The following MACROD2 variants were observed in gnomAD, a reference collection of about 807,000 sequenced individuals.
MACROD2 encodes ADP-ribose glycohydrolase MACROD2.
A neutral mutation model predicts 70.4 loss-of-function variants in MACROD2; 36 were observed. That is an observed-to-expected ratio of 0.51 (90% CI 0.39 to 0.68). The LOEUF (loss-of-function observed/expected upper bound fraction) is 0.68, where lower values mean the gene tolerates loss of function less well. MACROD2 is among the 30% of genes least tolerant of loss of function. The probability of loss-of-function intolerance (pLI) is 0.00; values close to 1 mark genes in which losing one functional copy is unlikely to be tolerated. For missense variants in MACROD2, 496 were observed against 538.4 expected (o/e 0.92, Z 0.78); for synonymous variants, 172 against 178.8 (o/e 0.96, Z 0.30).
At chr20:14,178,943 T>C (rs141998608) in intron 3 of MACROD2, among the ~76,000 whole-genome samples, 1 of 152,242 alleles carries the variant, frequency 6.6e-6, no homozygotes, top group African/African-American at 2.4e-5. Context: ...ATTCCTAATG[T>C]CTAGGCTCAG....
chr20:15,227,431 C>G (rs2076916735), intron 5 of MACROD2, among the ~76,000 whole-genome samples: 1 of 151,518 alleles, frequency 6.6e-6, no homozygotes, highest in Non-Finnish European at 1.5e-5. Context: ...CTTTACTTTG[C>G]TCAATGTTTT....
intron 2 of MACROD2, among the ~76,000 whole-genome samples, chr20:14,015,339 C>T (rs922250390): frequency 3.9e-5 from 6 of 152,162 alleles, no homozygotes; most frequent in African/African-American, 1.4e-4. Context: ...CCCAGCTACT[C>T]AGGAGGCTGA....
At position 14,233,876 on chromosome 20, in the gene MACROD2, A is replaced by T. The variant is rs145917143; in HGVS notation, c.271+148148A>T. Among the ~76,000 whole-genome samples, 4 of 152,186 alleles carry T rather than the reference A, an allele frequency of 2.6e-5. No individual in the cohort carries two copies. The South Asian group carries it at 8.3e-4, about 32-fold the overall frequency. On this transcript the variant is annotated intron_variant, in intron 3 of 17. Transcript: ENST00000684519. ...AAAGGCAAAACTATAGAGACAATAA[A>T]AAGATCAGTGGTTGATAGGAGTTGA...
chr20:14,028,221 A>G (rs1336610837), intron 2 of MACROD2, among the ~76,000 whole-genome samples: 4 of 152,180 alleles, frequency 2.6e-5, no homozygotes, highest in Non-Finnish European at 5.9e-5. Flanking sequence ...GTAAGGGGAA[A>G]GCTGCCTCCT....
At chr20:15,631,875 C>G (rs1041105422) in intron 8 of MACROD2, among the ~76,000 whole-genome samples, 1 of 152,122 alleles carries the variant, frequency 6.6e-6, no homozygotes, top group African/African-American at 2.4e-5. Context: ...TGGTGGCTCA[C>G]GCCTGTAATC....
At chr20:16,032,714 A>G (rs2067168450) in intron 15 of MACROD2, among the ~76,000 whole-genome samples, 1 of 142,584 alleles carries the variant, frequency 7.0e-6, no homozygotes, top group African/African-American at 2.6e-5. Flanking sequence ...TACAGGAAGA[A>G]AGGTGGAGGA....
intron 9 of MACROD2, among the ~76,000 whole-genome samples, chr20:15,880,781 G>A (rs2064743575): frequency 6.6e-6 from 1 of 152,026 alleles, no homozygotes; most frequent in Non-Finnish European, 1.5e-5. Flanking sequence ...AGGAGCTGGT[G>A]GCTCAAAGGC....
intron 7 of MACROD2, among the ~76,000 whole-genome samples, chr20:15,467,952 G>A (rs558500783): frequency 1.3e-5 from 2 of 152,280 alleles, no homozygotes; most frequent in Non-Finnish European, 2.9e-5. Context: ...TCTAGAAAGG[G>A]CAATCTGATT....
chr20:14,397,316 A>G (rs1243267714), intron 3 of MACROD2, among the ~76,000 whole-genome samples: 3 of 152,166 alleles, frequency 2.0e-5, no homozygotes, highest in African/African-American at 4.8e-5. Flanking sequence ...TAACATAAAT[A>G]TTGATATTGC....
chr20:15,031,548 C>A (rs1454088499), intron 5 of MACROD2, among the ~76,000 whole-genome samples: 1 of 152,076 alleles, frequency 6.6e-6, no homozygotes, highest in African/African-American at 2.4e-5. Context: ...TCCTGATAAG[C>A]GGCTAGCGTT....
At chr20:15,936,810 A>C (rs1194107709) in intron 11 of MACROD2, among the ~76,000 whole-genome samples, 1 of 152,116 alleles carries the variant, frequency 6.6e-6, no homozygotes, top group Non-Finnish European at 1.5e-5. Flanking sequence ...GCCAAACATG[A>C]CTAGAGTCAC....
intron 15 of MACROD2, among the ~76,000 whole-genome samples, chr20:15,989,302 A>G (rs942491126): frequency 1.3e-5 from 2 of 152,170 alleles, no homozygotes; most frequent in African/African-American, 4.8e-5. Context: ...AACTGGTTCT[A>G]TCCATTTGGT....
In MACROD2 at chr20:16,028,111, G is replaced by A. The variant is rs1052327540; in HGVS notation, c.1154-13090G>A. 4.6e-5 allele frequency among the ~76,000 whole-genome samples: 7 copies of A among 152,316 alleles called. No homozygotes were observed. The South Asian group carries it at 1.2e-3, about 27-fold the overall frequency. On this transcript the variant is annotated intron_variant, in intron 15 of 17. Coordinates refer to ENST00000684519, the MANE Select transcript of MACROD2 (RefSeq NM_001351661.2). ...TTGGGACCACTATACAGAGAAGCTG[G>A]AACTCCTTTGAAACTGACTCATCCA...
intron 4 of MACROD2, among the ~76,000 whole-genome samples, chr20:14,580,700 G>A (rs1451380648): frequency 1.3e-5 from 2 of 152,176 alleles, no homozygotes; most frequent in Non-Finnish European, 2.9e-5. Context: ...CTAGGAAGTC[G>A]TGACCTTAGG....
rs987756938 is a variant in MACROD2, at chr20:15,885,691, A to G, written c.728-73A>G. 8.6e-5 allele frequency: 113 copies of G among 1,314,122 alleles called. No homozygotes were observed. In the African/African-American group the frequency reaches 1.5e-3, roughly 17 times the overall value. 81.4% of individuals were successfully genotyped at this position (1,314,122 alleles called of 1,614,324 possible). A position where few individuals can be genotyped will look rare whatever the true frequency, so the allele number is the denominator to read the frequency against. On this transcript the variant is annotated intron_variant, in intron 9 of 17. Coordinates refer to ENST00000684519, the MANE Select transcript of MACROD2 (RefSeq NM_001351661.2). The stretch of plus-strand genomic sequence containing the variant: ...ATCCCTTTCTTTGATTTTTTTTAAT[A>G]ATCCATCTGGAACATTCTTGTGTTT...
chr20:14,162,126 C>G (rs964587626), intron 3 of MACROD2, among the ~76,000 whole-genome samples: 1 of 152,014 alleles, frequency 6.6e-6, no homozygotes, highest in Non-Finnish European at 1.5e-5. Flanking sequence ...CATCCTTGAC[C>G]GAGTGGTCAT....
chr20:15,240,774 C>T (rs2077054171), intron 6 of MACROD2, among the ~76,000 whole-genome samples: 1 of 152,084 alleles, frequency 6.6e-6, no homozygotes, highest in Non-Finnish European at 1.5e-5. Context: ...GGATGGGGCC[C>T]TGAAGATGGA....
chr20:15,543,977 C>A (rs1463460098), intron 8 of MACROD2, among the ~76,000 whole-genome samples: 11 of 152,206 alleles, frequency 7.2e-5, no homozygotes, highest in Non-Finnish European at 1.2e-4. Context: ...ATCTCATTGG[C>A]CAAAGCAAGT....
chr20:14,420,508 C>T (rs2083863217), intron 3 of MACROD2, among the ~76,000 whole-genome samples: 1 of 152,054 alleles, frequency 6.6e-6, no homozygotes, highest in African/African-American at 2.4e-5. Flanking sequence ...ACTGGCCATT[C>T]GTGTATCTTC....
Sources: gnomAD v4.1 joint callset for allele counts (sites outside exome capture counted in the v4.1 genomes callset) on GRCh38, gnomAD v4.1.1 for gene constraint, MANE v1.5 for transcripts, NCBI Gene and HGNC (gene_info 2026-07-23, HGNC 2026-07-21) for gene names.